The following CCDC178 variants were observed in gnomAD, a reference collection of about 807,000 sequenced individuals.
CCDC178 encodes coiled-coil domain containing 178.
Under a neutral mutation model 117.4 loss-of-function variants are expected in CCDC178, and 126 were observed. The observed-to-expected ratio is 1.07, with a 90% CI of 0.93 to 1.24. The LOEUF (loss-of-function observed/expected upper bound fraction) is 1.24, where lower values mean the gene tolerates loss of function less well. Ranked by LOEUF, CCDC178 falls within the 50% of genes most tolerant of loss-of-function variation. The pLI is 0.00. For synonymous variants in CCDC178, 283 were observed against 313.4 expected (o/e 0.90, Z 1.02); for missense variants, 1,030 against 986.9 (o/e 1.04, Z -0.59).
At chr18:33,116,913 T>C (rs535148828) in intron 20 of CCDC178, among the ~76,000 whole-genome samples, 2 of 152,214 alleles carry the variant, frequency 1.3e-5, no homozygotes, top group African/African-American at 2.4e-5. Flanking sequence ...GGGACAGCCA[T>C]GAAGAACAAT....
chr18:33,317,521 T>C (rs1415864908), intron 11 of CCDC178, among the ~76,000 whole-genome samples: 6 of 152,122 alleles, frequency 3.9e-5, no homozygotes, highest in Admixed American at 3.9e-4. Flanking sequence ...TTTCACCACT[T>C]TACCTCTCTT....
At chr18:33,056,950 CTT>C (rs5823883) in intron 21 of CCDC178, among the ~76,000 whole-genome samples, 8 of 142,172 alleles carry the variant, frequency 5.6e-5, no homozygotes, top group Admixed American at 1.4e-4. Flanking sequence ...TAAGTTTTTC[CTT>C]TTTTTTTTTT....
At chr18:33,208,582 T>C (rs965440356) in intron 20 of CCDC178, among the ~76,000 whole-genome samples, 1 of 152,038 alleles carries the variant, frequency 6.6e-6, no homozygotes, top group African/African-American at 2.4e-5. Flanking sequence ...AATACAGTAA[T>C]ACTCATGAAA....
intron 18 of CCDC178, among the ~76,000 whole-genome samples, chr18:33,217,826 G>A (rs751263444): frequency 1.3e-5 from 2 of 151,966 alleles, no homozygotes; most frequent in African/African-American, 2.4e-5. Context: ...ATGGTTAAGA[G>A]CATCTATTTC....
At chr18:32,948,482 A>G (rs1168011974) in intron 22 of CCDC178, among the ~76,000 whole-genome samples, 2 of 152,032 alleles carry the variant, frequency 1.3e-5, no homozygotes, top group African/African-American at 4.8e-5. Context: ...AATCACTGTT[A>G]GCACATTGAT....
At chr18:32,981,782 G>A (rs1024424076) in intron 21 of CCDC178, among the ~76,000 whole-genome samples, 1 of 151,932 alleles carries the variant, frequency 6.6e-6, no homozygotes, top group African/African-American at 2.4e-5. Context: ...ATATCATTAA[G>A]GAAAAAATTA....
intron 21 of CCDC178, among the ~76,000 whole-genome samples, chr18:33,008,601 T>C (rs1771476144): frequency 6.6e-6 from 1 of 152,126 alleles, no homozygotes. Flanking sequence ...CCTGTTTCTT[T>C]GTTTTTCTGC....
chr18:33,302,107 T>C lies in CCDC178; in HGVS notation c.1023-8795A>G, dbSNP rs559142920. Among the ~76,000 whole-genome samples, 105 of 152,176 alleles carry C rather than the reference T, an allele frequency of 6.9e-4. 1 individual carries two copies. Among genetic ancestry groups the C allele is most frequent in the African/African-American group, 2.5e-3 (102 of 41,518 alleles). On this transcript the variant is annotated intron_variant, in intron 11 of 22. Transcript: ENST00000383096. ...TGAGTTCTCACAAGATCTGGTTGTT[T>C]AAAAGTGTGTGACACCTCCTCCCTC...
At chr18:33,207,107 A>T (rs2059052995) in intron 20 of CCDC178, among the ~76,000 whole-genome samples, 1 of 152,176 alleles carries the variant, frequency 6.6e-6, no homozygotes, top group Non-Finnish European at 1.5e-5. Context: ...TTGCCAGGGT[A>T]AAATCTCAGA....
At chr18:33,024,462 G>A (rs1214532801) in intron 21 of CCDC178, among the ~76,000 whole-genome samples, 7 of 152,086 alleles carry the variant, frequency 4.6e-5, no homozygotes, top group African/African-American at 1.2e-4. Flanking sequence ...CAGCCATACC[G>A]AATTAGGGTC....
intron 9 of CCDC178, among the ~76,000 whole-genome samples, chr18:33,340,621 G>A (rs961160822): frequency 2.0e-5 from 3 of 152,140 alleles, no homozygotes; most frequent in African/African-American, 7.2e-5. Context: ...TGCAGCCTAG[G>A]GAGTTGGTGC....
chr18:32,942,823 C>T (rs1031856741), intron 22 of CCDC178, among the ~76,000 whole-genome samples: 1 of 152,090 alleles, frequency 6.6e-6, no homozygotes, highest in African/African-American at 2.4e-5. Context: ...CCTATGCATA[C>T]TGATCATACC....
At chr18:33,342,697 G>A (rs191789353) in intron 9 of CCDC178, among the ~76,000 whole-genome samples, 25 of 152,244 alleles carry the variant, frequency 1.6e-4, no homozygotes, top group African/African-American at 4.1e-4. Flanking sequence ...TTGAGCCAGC[G>A]CAATTGGATC....
intron 22 of CCDC178, among the ~76,000 whole-genome samples, chr18:32,945,991 G>C (rs779161730): frequency 6.6e-6 from 1 of 151,932 alleles, no homozygotes; most frequent in African/African-American, 2.4e-5. Flanking sequence ...TAGGATAATT[G>C]TCTCTTGACC....
At chr18:33,306,462 A>G (rs929007356) in intron 11 of CCDC178, among the ~76,000 whole-genome samples, 23 of 115,456 alleles carry the variant, frequency 2.0e-4, no homozygotes, top group African/African-American at 5.6e-4. Context: ...ATATGGTTAT[A>G]TATATATATG....
At chr18:33,277,109 T>C (rs2059960441) in intron 12 of CCDC178, among the ~76,000 whole-genome samples, 1 of 152,056 alleles carries the variant, frequency 6.6e-6, no homozygotes, top group African/African-American at 2.4e-5. Flanking sequence ...TATTAACCAA[T>C]GTAATCAGAT....
At chr18:33,050,786 G>T (rs899603455) in intron 21 of CCDC178, among the ~76,000 whole-genome samples, 1 of 152,138 alleles carries the variant, frequency 6.6e-6, no homozygotes, top group African/African-American at 2.4e-5. Flanking sequence ...GAAAGACCTA[G>T]AATTTATTTT....
At chr18:33,049,777 T>C (rs1396665051) in intron 21 of CCDC178, among the ~76,000 whole-genome samples, 1 of 152,106 alleles carries the variant, frequency 6.6e-6, no homozygotes. Context: ...TTCCTAACAA[T>C]ACTTTAAAAT....
chr18:33,339,649 G>A (rs2062788901), intron 9 of CCDC178, among the ~76,000 whole-genome samples: 1 of 151,972 alleles, frequency 6.6e-6, no homozygotes, highest in African/African-American at 2.4e-5. Context: ...GGGACCCAGG[G>A]GGAGGTAACT....
Sources: gnomAD v4.1 joint callset for allele counts (sites outside exome capture counted in the v4.1 genomes callset) on GRCh38, gnomAD v4.1.1 for gene constraint, MANE v1.5 for transcripts, NCBI Gene and HGNC (gene_info 2026-07-23, HGNC 2026-07-21) for gene names.